CBLB: variants seen among roughly 807,000 people sequenced by gnomAD.
The protein encoded by CBLB is Cbl proto-oncogene B, also known as E3 ubiquitin-protein ligase CBL-B.
CBLB carries 31 observed loss-of-function variants against 104.9 expected under a neutral mutation model. That is an observed-to-expected ratio of 0.30 (90% confidence interval 0.22 to 0.40). CBLB has a LOEUF of 0.40. Ranked by LOEUF, CBLB falls within the 10% of genes least tolerant of loss-of-function variation. The pLI is 1.00. For synonymous variants in CBLB, 440 were observed against 422.6 expected (o/e 1.04, Z -0.51); for missense variants, 1,062 against 1,214.6 (o/e 0.87, Z 1.87).
chr3:105,805,849 T>G (rs1438401189), intron 3 of CBLB, among the ~76,000 whole-genome samples: 2 of 152,018 alleles, frequency 1.3e-5, no homozygotes, highest in East Asian at 3.9e-4. Context: ...TTTTATTACC[T>G]TGAATTATAT....
At chr3:105,834,922 TTTTCTTG>T (rs1320266884) in intron 3 of CBLB, among the ~76,000 whole-genome samples, 4 of 152,202 alleles carry the variant, frequency 2.6e-5, no homozygotes, top group African/African-American at 9.7e-5. Flanking sequence ...TATTGGAAGC[TTTTCTTG>T]TTTACCAATT....
intron 6 of CBLB, among the ~76,000 whole-genome samples, chr3:105,741,122 CG>C (rs1469687037): frequency 1.4e-4 from 8 of 56,908 alleles, no homozygotes; most frequent in Admixed American, 2.2e-4. Flanking sequence ...TTTTTTGAGA[CG>C]GAGTCTTACT....
At chr3:105,678,641 G>A (rs899705175) in intron 16 of CBLB, 70 bp from the exon 17 acceptor site, 4 of 1,472,032 alleles carry the variant, frequency 2.7e-6, no homozygotes, top group Non-Finnish European at 3.7e-6. Context: ...TCTAACAAAA[G>A]TAATAATTGA....
At chr3:105,826,479 TTTTA>T (rs1453713929) in intron 3 of CBLB, among the ~76,000 whole-genome samples, 1 of 152,224 alleles carries the variant, frequency 6.6e-6, no homozygotes, top group African/African-American at 2.4e-5. Flanking sequence ...TTCATGTGCA[TTTTA>T]AATGGTGCCA....
intron 12 of CBLB, among the ~76,000 whole-genome samples, chr3:105,694,055 T>G (rs754005324): frequency 3.3e-5 from 5 of 151,980 alleles, no homozygotes; most frequent in Non-Finnish European, 4.4e-5. Flanking sequence ...GATGAAACAG[T>G]ACATTAATAT....
chr3:105,748,279 T>C (rs2076290594), intron 5 of CBLB, among the ~76,000 whole-genome samples: 1 of 152,250 alleles, frequency 6.6e-6, no homozygotes, highest in Non-Finnish European at 1.5e-5. Context: ...AGCCAGTTAC[T>C]GACTTACAAC....
chr3:105,831,774 A>G (rs2153079298), intron 3 of CBLB, among the ~76,000 whole-genome samples: 1 of 152,310 alleles, frequency 6.6e-6, no homozygotes, highest in South Asian at 2.1e-4. Context: ...CAAAAGAAAA[A>G]CTTTTCAGGA....
intron 3 of CBLB, among the ~76,000 whole-genome samples, chr3:105,823,829 G>A (rs1393860901): frequency 6.6e-6 from 1 of 152,008 alleles, no homozygotes; most frequent in Non-Finnish European, 1.5e-5. Flanking sequence ...CCATACCAGG[G>A]TACAAAGCAC....
intron 3 of CBLB, among the ~76,000 whole-genome samples, chr3:105,806,658 C>T (rs7432372): frequency 0.67 from 101,112 of 151,804 alleles, 34,781 homozygotes; most frequent in Middle Eastern, 0.8. Flanking sequence ...CATGTCATAC[C>T]AAGTTACTTT....
chr3:105,665,415 A>AT lies in CBLB; in HGVS notation c.2689+4817_2689+4818insA, dbSNP rs1491411170. On this transcript the variant is annotated intron_variant, in intron 18 of 18. Coordinates refer to ENST00000394030, the MANE Select transcript of CBLB (RefSeq NM_170662.5). Reference sequence around the variant, plus strand: ...AAAATAAATAAATAAATAAATAAATAAATATATATATATATATATATATAT... The same window carrying AT: ...AAAATAAATAAATAAATAAATAAATATAATATATATATATATATATATATAT... Among the ~76,000 whole-genome samples the AT allele has an allele frequency of 3.4e-4, 28 of 81,442 alleles. No homozygotes were observed. The South Asian group carries it at 3.8e-3, about 11-fold the overall frequency. 53.4% of individuals were successfully genotyped at this position (81,442 alleles called of 152,430 possible).
At chr3:105,753,074 C>A (rs866749656) in intron 4 of CBLB, among the ~76,000 whole-genome samples, 1 of 152,092 alleles carries the variant, frequency 6.6e-6, no homozygotes, top group Non-Finnish European at 1.5e-5. Context: ...AAGGACAATG[C>A]TAGCTGGGTG....
In CBLB at chr3:105,776,772, T is replaced by C. The variant is rs1463616701; in HGVS notation, c.420-230A>G. On this transcript the variant is annotated intron_variant, in intron 3 of 18. Coordinates refer to ENST00000394030, the MANE Select transcript of CBLB (RefSeq NM_170662.5). The stretch of plus-strand genomic sequence containing the variant: ...AACTTATTAGTTATCCATGTATTCA[T>C]TTAACATAAACACAAATAAGATAAA... Among the ~76,000 whole-genome samples the C allele has an allele frequency of 6.6e-6, 1 of 152,146 alleles. No individual in the cohort carries two copies. Among genetic ancestry groups the C allele is most frequent in the Non-Finnish European group, 1.5e-5 (1 of 68,022 alleles).
chr3:105,685,471 C>G lies in CBLB; in HGVS notation c.2055-5G>C, dbSNP rs199535176. 2.4e-5 allele frequency: 38 copies of G among 1,611,600 alleles called. No individual in the cohort carries two copies. The Admixed American group carries it at 4.7e-4, about 20-fold the overall frequency. Reference sequence around the variant, plus strand: ...TTTGCTAACGGACCAGTACACCTACCAGGGGAAAAAAAATCCAATCTAGTT... The same window carrying G: ...TTTGCTAACGGACCAGTACACCTACGAGGGGAAAAAAAATCCAATCTAGTT... On this transcript the variant is annotated splice_polypyrimidine_tract_variant and splice_region_variant and intron_variant, in intron 13 of 18. Transcript: ENST00000394030.
At chr3:105,762,575 C>A (rs558048804) in intron 4 of CBLB, among the ~76,000 whole-genome samples, 45 of 152,334 alleles carry the variant, frequency 3.0e-4, no homozygotes, top group South Asian at 1.2e-3. Context: ...GGTGTTTGAG[C>A]CTGCAGGTGC....
chr3:105,734,128 A>C lies in CBLB; in HGVS notation c.1084T>G (p.Leu362Val). ...AAAGTGGAGCCCATTTCACAATATA[A>C]TTCATATTGTTCCTGGAATTTGGGG... ...HIKVTQEQYE[L>V]YCEMGSTFQL... Residue 362 changes from leucine to valine, a missense_variant, in exon 9 of 19, where the codon TTA (leucine) becomes GTA (valine). By Grantham distance (32) the Leu-to-Val change is conservative. Around this residue, in one of 2 missense-constraint regions of CBLB, gnomAD observed 457 missense variants for 632.0 expected, o/e 0.72. Coordinates refer to ENST00000394030, the MANE Select transcript of CBLB (RefSeq NM_170662.5). 6.2e-7 allele frequency: 1 copy of C among 1,613,802 alleles called. No individual in the cohort carries two copies. Among genetic ancestry groups the C allele is most frequent in the East Asian group, 2.2e-5 (1 of 44,852 alleles).
At chr3:105,808,378 T>A (rs73854891) in intron 3 of CBLB, among the ~76,000 whole-genome samples, 17,859 of 152,210 alleles carry the variant, frequency 0.12, 1,274 homozygotes, top group East Asian at 0.41. Flanking sequence ...TGTCTGTGTA[T>A]TTGTTTTGTA....
chr3:105,810,403 T>G (rs6776593), intron 3 of CBLB, among the ~76,000 whole-genome samples: 27,949 of 152,066 alleles, frequency 0.18, 3,023 homozygotes, highest in Admixed American at 0.28. Context: ...AGCAGTTTAA[T>G]ATTTATTTTT....
chr3:105,749,286 T>G (rs954997258), intron 5 of CBLB, among the ~76,000 whole-genome samples: 1 of 149,024 alleles, frequency 6.7e-6, no homozygotes, highest in African/African-American at 2.5e-5. Context: ...GTAATCATGT[T>G]TTTAAAATGA....
intron 3 of CBLB, among the ~76,000 whole-genome samples, chr3:105,809,372 A>G (rs569510093): frequency 6.6e-6 from 1 of 152,216 alleles, no homozygotes; most frequent in Non-Finnish European, 1.5e-5. Context: ...TTGTATCAAC[A>G]GTCATTTAAC....
Sources: allele counts gnomAD v4.1 joint callset (sites outside exome capture counted in the v4.1 genomes callset), GRCh38; gene constraint gnomAD v4.1.1; regional missense constraint gnomAD v4.1.1; transcripts MANE v1.5; gene names NCBI Gene and HGNC (gene_info 2026-07-23, HGNC 2026-07-21).